DISP3: variants seen among roughly 807,000 people sequenced by gnomAD.
The protein encoded by DISP3 is dispatched RND transporter family member 3.
A neutral mutation model predicts 135.3 loss-of-function variants in DISP3; 101 were observed. The ratio of observed to expected loss-of-function variants is 0.75; its 90% CI spans 0.64 to 0.88. The LOEUF (loss-of-function observed/expected upper bound fraction) is 0.88, where lower values mean the gene tolerates loss of function less well. Ranked by LOEUF, DISP3 falls within the 40% of genes least tolerant of loss-of-function variation. The pLI, the probability that DISP3 is intolerant of heterozygous loss-of-function variation, is 0.00. For missense variants in DISP3, 1,713 were observed against 1,878.6 expected, an observed-to-expected ratio of 0.91 and a Z score of 1.63; for synonymous variants, 856 against 817.0, an observed-to-expected ratio of 1.05 and a Z score of -0.81.
Position 11,499,733 on chromosome 1 carries a change from C to G in DISP3, c.-3-1257C>G, listed in dbSNP as rs1029507639. Among the ~76,000 whole-genome samples the G allele has an allele frequency of 9.0e-6, 1 of 111,110 alleles. No individual in the cohort carries two copies. The highest frequency in any genetic ancestry group is 5.7e-5 in the African/African-American group (1 of 17,670). 72.9% of individuals were successfully genotyped at this position (111,110 alleles called of 152,430 possible). ...CACCATTCCACTCTCCCTTCGGTCT[C>G]TCTCCTCTTTTCCTCTGTCTCTGTC... On this transcript the variant is annotated intron_variant, in intron 1 of 20. Coordinates refer to ENST00000294484, the MANE Select transcript of DISP3 (RefSeq NM_020780.2). This position sits in a 1 kb window ranked among gnomAD's most constrained non-coding sequence, Gnocchi z 5.2.
Position 11,499,529 on chromosome 1 carries a change from T to C in DISP3, c.-3-1461T>C, listed in dbSNP as rs1641440790. On this transcript the variant is annotated intron_variant, in intron 1 of 20. Coordinates refer to ENST00000294484, the MANE Select transcript of DISP3 (RefSeq NM_020780.2). The surrounding 1 kb of genome is among the most constrained non-coding windows in gnomAD (Gnocchi z 5.2). The stretch of plus-strand genomic sequence containing the variant: ...GTGTTAGGGCGTTGCAAATGGGAAG[T>C]TTAATTATTTCATTAATACGAATCT... Among the ~76,000 whole-genome samples, 1 of 152,118 alleles carries C rather than the reference T, an allele frequency of 6.6e-6. No homozygotes were observed. The highest frequency in any genetic ancestry group is 2.4e-5 in the African/African-American group (1 of 41,400).
In DISP3 at chr1:11,501,036, A is replaced by C. The variant is rs149193898; in HGVS notation, c.44A>C (p.Glu15Ala). The C allele has an allele frequency of 7.9e-5, 127 of 1,613,884 alleles. No individual in the cohort carries two copies. Among genetic ancestry groups the C allele is most frequent in the Non-Finnish European group, 1.0e-4 (122 of 1,179,992 alleles). Residue 15 changes from glutamate (E) to alanine (A), a missense_variant, in exon 2 of 21, where the codon GAG (glutamate) becomes GCG (alanine). Physicochemically the swap from Glu to Ala is moderately radical, Grantham distance 107. Transcript: ENST00000294484. The surrounding 1 kb of genome is among the most constrained non-coding windows in gnomAD (Gnocchi z 4.9). Reference protein sequence around the residue: ...DDPLLQDVWLEEEQEEEEATG... With the variant: ...DDPLLQDVWLAEEQEEEEATG... ...CCCTTGCTGCAGGATGTGTGGCTAG[A>C]GGAGGAGCAGGAGGAGGAAGAAGCA...
At chr1:11,535,314 G>A (rs1216915404) in intron 19 of DISP3, among the ~76,000 whole-genome samples, 164 bp from the exon 20 acceptor site, 1 of 152,154 alleles carries the variant, frequency 6.6e-6, no homozygotes, top group African/African-American at 2.4e-5. Context: ...GTAGCCCTCA[G>A]CTCAGTGATG....
intron 3 of DISP3, among the ~76,000 whole-genome samples, chr1:11,504,085 C>T (rs1641632341): frequency 6.6e-6 from 1 of 152,178 alleles, no homozygotes; most frequent in South Asian, 2.1e-4. Flanking sequence ...CACCCTCATT[C>T]CTTCCACTGC....
intron 1 of DISP3, among the ~76,000 whole-genome samples, chr1:11,479,913 G>A (rs949327643): frequency 1.1e-4 from 16 of 152,148 alleles, no homozygotes; most frequent in African/African-American, 3.9e-4. Flanking sequence ...GGGAGGGCGC[G>A]TGGGGGCTTG....
chr1:11,495,785 C>T (rs192206817), intron 1 of DISP3, among the ~76,000 whole-genome samples: 27 of 152,198 alleles, frequency 1.8e-4, no homozygotes, highest in Non-Finnish European at 3.5e-4. Context: ...TGTCCAAGGT[C>T]CTTCTGCTTT....
intron 5 of DISP3, 60 bp downstream of exon 5, chr1:11,515,563 C>T: frequency 1.9e-6 from 3 of 1,547,818 alleles, no homozygotes; most frequent in Non-Finnish European, 2.6e-6. Flanking sequence ...GCCCCATCCC[C>T]TTTCTCCCTG....
At chr1:11,480,720 T>G (rs2100341113) in intron 1 of DISP3, among the ~76,000 whole-genome samples, 1 of 141,418 alleles carries the variant, frequency 7.1e-6, no homozygotes, top group South Asian at 2.3e-4. Flanking sequence ...CACACTGTCC[T>G]GCTCCTATGG....
intron 12 of DISP3, among the ~76,000 whole-genome samples, chr1:11,525,676 G>A (rs1642395281): frequency 6.6e-6 from 1 of 152,272 alleles, no homozygotes; most frequent in Non-Finnish European, 1.5e-5. Flanking sequence ...GAACGCCTGG[G>A]TGCAGTCCCT....
At position 11,534,495 on chromosome 1, in the gene DISP3, T is replaced by C; in HGVS notation, c.3490T>C (p.Phe1164Leu). Residue 1164 changes from phenylalanine (F) to leucine (L), a missense_variant, in exon 18 of 21, where the codon TTC (phenylalanine) becomes CTC (leucine). Phe to Leu is a conservative substitution (Grantham distance 22, BLOSUM62 0). Coordinates refer to ENST00000294484, the MANE Select transcript of DISP3 (RefSeq NM_020780.2). ...CGAGGGCTCAGTCCTGCGCCGGGGC[T>C]TCCAGACCTGCGAGCACTGGAAGCA... is the stretch of plus-strand genomic sequence containing the variant. ...LPEGSVLRRGFQTCEHWKQIF... is the reference protein window; with the variant it reads ...LPEGSVLRRGLQTCEHWKQIF... 1.2e-6 allele frequency: 2 copies of C among 1,613,742 alleles called. No homozygotes were observed. Among genetic ancestry groups the C allele is most frequent in the African/African-American group, 1.3e-5 (1 of 75,060 alleles).
In DISP3 at chr1:11,501,185, G is replaced by C. The variant is rs1302567279; in HGVS notation, c.193G>C (p.Gly65Arg). 7 of 1,613,872 alleles carry C rather than the reference G, an allele frequency of 4.3e-6. No homozygotes were observed. Among genetic ancestry groups the C allele is most frequent in the Non-Finnish European group, 5.9e-6 (7 of 1,179,908 alleles). ...AGCTTCGGGCTTCTGGAGTACCCTG[G>C]GCTGGGCCTTCACCAATCCGTGCTG... Reference protein sequence around the residue: ...PPASGFWSTLGWAFTNPCCAG... With the variant: ...PPASGFWSTLRWAFTNPCCAG... The change falls in exon 2 of 21, where the codon GGC becomes CGC. Residue 65 changes from glycine (G) to arginine (R), a missense_variant. Gly to Arg is a moderately radical substitution (Grantham distance 125). Around this residue, in one of 2 missense-constraint regions of DISP3, gnomAD observed 571 missense variants for 494.1 expected, o/e 1.16. Transcript: ENST00000294484. This position sits in a 1 kb window ranked among gnomAD's most constrained non-coding sequence, Gnocchi z 4.9.
intron 3 of DISP3, among the ~76,000 whole-genome samples, chr1:11,511,903 T>G (rs2100442170): frequency 6.6e-6 from 1 of 152,354 alleles, no homozygotes; most frequent in South Asian, 2.1e-4. Flanking sequence ...AATTCTTGAC[T>G]TCTTTGCATC....
intron 1 of DISP3, among the ~76,000 whole-genome samples, chr1:11,492,741 G>A (rs530017862): frequency 4.9e-4 from 74 of 152,212 alleles, no homozygotes; most frequent in Non-Finnish European, 9.7e-4. Context: ...ACAAAGCCAG[G>A]TTTCCCTGGG....
At chr1:11,522,717 G>GCCAGAGCCCAGCCAGGA (rs1642258246) in intron 10 of DISP3, among the ~76,000 whole-genome samples, 3 of 35,590 alleles carry the variant, frequency 8.4e-5, no homozygotes, top group African/African-American at 1.4e-4. Context: ...CCCAGCCAGG[G>GCCAGAGCCCAGCCAGGA]CCCAGCCAGG....
At position 11,483,615 on chromosome 1, in the gene DISP3, A is replaced by G. The variant is rs1427480218; in HGVS notation, c.-4+4243A>G. Among the ~76,000 whole-genome samples the G allele has an allele frequency of 6.6e-6, 1 of 152,206 alleles. No homozygotes were observed. The highest frequency in any genetic ancestry group is 1.5e-5 in the Non-Finnish European group (1 of 68,034). On this transcript the variant is annotated intron_variant, in intron 1 of 20. Transcript: ENST00000294484. The surrounding 1 kb of genome is among the most constrained non-coding windows in gnomAD (Gnocchi z 5.4). ...ATTCAATAAATATTTTCTTGTCGAG[A>G]AACCTGTTTATATGATGGGTTTCAA...
intron 13 of DISP3, among the ~76,000 whole-genome samples, chr1:11,528,330 G>A (rs1370016180): frequency 6.6e-6 from 1 of 152,094 alleles, no homozygotes; most frequent in African/African-American, 2.4e-5. Context: ...CGCCATCCAG[G>A]GGCACCTTTT....
chr1:11,536,773 T>A lies in DISP3; in HGVS notation c.*87T>A. On this transcript the variant is annotated 3_prime_UTR_variant, in exon 21 of 21. Transcript: ENST00000294484. This position sits in a 1 kb window ranked among gnomAD's most constrained non-coding sequence, Gnocchi z 4.3. ...CCCAGCTCGACTTCAGCTAGCTGTG[T>A]CCCCAGGCCTGGGCCCAGGGCGCCC... 7.0e-7 allele frequency: 1 copy of A among 1,430,230 alleles called. No individual in the cohort carries two copies. The highest frequency in any genetic ancestry group is 9.2e-7 in the Non-Finnish European group (1 of 1,092,436). The allele number at this position is 1,430,230 out of a possible 1,614,324, so 88.6% of individuals were successfully genotyped here. A position where few individuals can be genotyped will look rare whatever the true frequency, so the allele number is the denominator to read the frequency against.
chr1:11,523,812 C>T (rs1005749089), intron 10 of DISP3, 130 bp from the exon 11 acceptor site: 1 of 641,634 alleles, frequency 1.6e-6, no homozygotes, highest in Admixed American at 3.0e-5. Flanking sequence ...ACCCCTGACA[C>T]CCACCCCCTC....
At chr1:11,517,429 T>C in intron 6 of DISP3, 34 bp from the exon 7 acceptor site, 1 of 1,610,344 alleles carries the variant, frequency 6.2e-7, no homozygotes, top group Non-Finnish European at 8.5e-7. Context: ...AGGTCCAACC[T>C]GTCCCACATC....
Sources: allele counts gnomAD v4.1 joint callset (sites outside exome capture counted in the v4.1 genomes callset), GRCh38; gene constraint gnomAD v4.1.1; regional missense constraint gnomAD v4.1.1; non-coding constraint Gnocchi (gnomAD v3.1); transcripts MANE v1.5; gene names NCBI Gene and HGNC (gene_info 2026-07-23, HGNC 2026-07-21).